The following NAGLU variants were observed in gnomAD, a reference collection of about 807,000 sequenced individuals.
NAGLU encodes the protein alpha-N-acetylglucosaminidase.
In NAGLU, 34 loss-of-function variants were observed where a neutral mutation model predicts 43.4. That is an observed-to-expected ratio of 0.78 (90% CI 0.60 to 1.04). The LOEUF is 1.04. Among genes scored for constraint, NAGLU ranks in the 50% least tolerant of loss-of-function variants. NAGLU has a pLI of 0.00. For synonymous variants in NAGLU, 425 were observed against 437.6 expected, an observed-to-expected ratio of 0.97 and a Z score of 0.36; for missense variants, 910 against 993.7, an observed-to-expected ratio of 0.92 and a Z score of 1.13.
Position 42,543,522 on chromosome 17 carries a change from G to T in NAGLU, c.1516G>T (p.Gly506Trp), listed in dbSNP as rs1262778017. 2 of 1,606,476 alleles carry T rather than the reference G, an allele frequency of 1.2e-6. No individual in the cohort carries two copies. The highest frequency in any genetic ancestry group is 1.7e-5 in the Admixed American group (1 of 59,448). Residue 506 changes from glycine (G) to tryptophan (W), a missense_variant, in exon 6 of 6, where the codon GGG becomes TGG. Physicochemically the swap from Gly to Trp is radical, Grantham distance 184. Transcript: ENST00000225927. ...LLLRSVYNCS[G>W]EACRGHNRSP... ...GCTCCGGAGTGTGTACAACTGCTCC[G>T]GGGAGGCCTGCAGGGGCCACAATCG...
chr17:42,540,761 T>G (rs903868532), intron 4 of NAGLU, among the ~76,000 whole-genome samples, 189 bp from the exon 5 acceptor site: 2 of 144,098 alleles, frequency 1.4e-5, no homozygotes, highest in Non-Finnish European at 3.0e-5. Context: ...AGGGGAGAGA[T>G]AGTGAAAGTT....
chr17:42,536,901 G>T, intron 1 of NAGLU: 1 of 788,136 alleles, frequency 1.3e-6, no homozygotes, highest in Non-Finnish European at 1.9e-6. Flanking sequence ...GATGGGCATA[G>T]AATTTGTGGT....
chr17:42,539,714 T>C (rs973403438), intron 4 of NAGLU, among the ~76,000 whole-genome samples: 8 of 152,188 alleles, frequency 5.3e-5, no homozygotes, highest in Non-Finnish European at 1.2e-4. Flanking sequence ...ATATGTTGGC[T>C]GAAGGATACA....
At chr17:42,540,359 A>C (rs2143094985) in intron 4 of NAGLU, among the ~76,000 whole-genome samples, 1 of 151,610 alleles carries the variant, frequency 6.6e-6, no homozygotes, top group East Asian at 1.9e-4. Flanking sequence ...CTATGCAACA[A>C]ACCTGCATGT....
At chr17:42,542,946 C>CGACT in intron 5 of NAGLU, 82 bp from the exon 6 acceptor site, 2 of 1,581,798 alleles carry the variant, frequency 1.3e-6, no homozygotes, top group South Asian at 2.2e-5. Context: ...GATAGACAGT[C>CGACT]GTCTGTAGAG....
Position 42,543,669 on chromosome 17 carries a change from G to C in NAGLU, c.1663G>C (p.Ala555Pro). The C allele has an allele frequency of 6.2e-7, 1 of 1,613,006 alleles. No individual in the cohort carries two copies. Among genetic ancestry groups the C allele is most frequent in the Non-Finnish European group, 8.5e-7 (1 of 1,180,006 alleles). The change falls in exon 6 of 6, where the codon GCC becomes CCC. Residue 555 changes from alanine to proline, a missense_variant. Ala to Pro is a conservative substitution (Grantham distance 27). Coordinates refer to ENST00000225927, the MANE Select transcript of NAGLU (RefSeq NM_000263.4). Reference sequence around the variant, plus strand: ...TGCTCCCTCCCTGGCCACCAGCCCCGCCTTCCGCTACGACCTGCTGGACCT... The same window carrying C: ...TGCTCCCTCCCTGGCCACCAGCCCCCCCTTCCGCTACGACCTGCTGGACCT... ...TSAPSLATSP[A>P]FRYDLLDLTR...
intron 4 of NAGLU, among the ~76,000 whole-genome samples, chr17:42,540,703 A>G (rs2092919245): frequency 6.6e-6 from 1 of 151,754 alleles, no homozygotes; most frequent in African/African-American, 2.4e-5. Flanking sequence ...CTCAAAAAAA[A>G]AAAAAAAAAG....
chr17:42,541,985 T>G (rs2092922746), intron 5 of NAGLU, among the ~76,000 whole-genome samples: 1 of 151,872 alleles, frequency 6.6e-6, no homozygotes, highest in African/African-American at 2.4e-5. Context: ...ACTGCAACCT[T>G]CGTCTCCTAG....
chr17:42,538,491 AG>A lies in NAGLU; in HGVS notation c.678+8del. 1 of 1,613,948 alleles carries A rather than the reference AG, an allele frequency of 6.2e-7. No individual in the cohort carries two copies. Among genetic ancestry groups the A allele is most frequent in the Non-Finnish European group, 8.5e-7 (1 of 1,179,986 alleles). The stretch of plus-strand genomic sequence containing the variant: ...TCAAGCAGCTTTACCTGCAGGTAAA[AG>A]GATGGAAAAGGGAAGGGGCAGAATC... On this transcript the variant is annotated splice_region_variant and intron_variant, in intron 3 of 5. Coordinates refer to ENST00000225927, the MANE Select transcript of NAGLU (RefSeq NM_000263.4).
At chr17:42,540,923 A>T (rs1488900286) in intron 4 of NAGLU, 27 bp from the exon 5 acceptor site, 22 of 1,614,034 alleles carry the variant, frequency 1.4e-5, no homozygotes, top group African/African-American at 2.7e-5. Context: ...GCTTCCATGA[A>T]ATATCTGAGC....
Position 42,536,587 on chromosome 17 carries a change from C to G in NAGLU, c.315C>G (p.Gly105=), listed in dbSNP as rs2143077290. The change falls in exon 1 of 6, where the codon GGC becomes GGG. Residue 105 remains glycine (G), a synonymous_variant. Transcript: ENST00000225927. The part of the protein sequence containing the change: ...DFCGCHVAWS[G]SQLRLPRPLP... ...GTGGCTGCCACGTGGCCTGGTCCGG[C>G]TCTCAGCTGCGCCTGCCGCGGCCAC... 1.3e-6 allele frequency: 2 copies of G among 1,492,884 alleles called. No individual in the cohort carries two copies. Among genetic ancestry groups the G allele is most frequent in the Middle Eastern group, 3.9e-4 (2 of 5,100 alleles). The allele number at this position is 1,492,884 out of a possible 1,614,324, so 92.5% of individuals were successfully genotyped here. A position where few individuals can be genotyped will look rare whatever the true frequency, so the allele number is the denominator to read the frequency against.
chr17:42,544,441 C>T lies in NAGLU; in HGVS notation c.*203C>T. 2 of 750,554 alleles carry T rather than the reference C, an allele frequency of 2.7e-6. No individual in the cohort carries two copies. The highest frequency in any genetic ancestry group is 1.8e-5 in the South Asian group (1 of 56,088). 46.5% of individuals were successfully genotyped at this position (750,554 alleles called of 1,614,324 possible). A position where few individuals can be genotyped will look rare whatever the true frequency, so the allele number is the denominator to read the frequency against. Reference sequence around the variant, plus strand: ...GTGGGATTAAAGTACTGTTTTCTTTCCACTTAAACTGATGAGTCCCCTGGG... The same window carrying T: ...GTGGGATTAAAGTACTGTTTTCTTTTCACTTAAACTGATGAGTCCCCTGGG... On this transcript the variant is annotated 3_prime_UTR_variant, in exon 6 of 6. Transcript: ENST00000225927.
chr17:42,538,204 T>A, intron 2 of NAGLU, 135 bp from the exon 3 acceptor site: 2 of 1,384,724 alleles, frequency 1.4e-6, no homozygotes, highest in South Asian at 2.3e-5. Context: ...TGTGGGCTCC[T>A]TGATGGCAGC....
In NAGLU at chr17:42,544,132, T is replaced by C. The variant is rs1271022807; in HGVS notation, c.2126T>C (p.Val709Ala). Residue 709 changes from valine (V) to alanine (A), a missense_variant, in exon 6 of 6, where the codon GTT becomes GCT. Coordinates refer to ENST00000225927, the MANE Select transcript of NAGLU (RefSeq NM_000263.4). Reference protein sequence around the residue: ...KNVFQLEQAFVLSKQRYPSQP... With the variant: ...KNVFQLEQAFALSKQRYPSQP... ...GTCTTCCAACTGGAGCAGGCCTTCG[T>C]TCTCAGCAAGCAGAGGTACCCCAGC... is the stretch of plus-strand genomic sequence containing the variant. The C allele has an allele frequency of 6.2e-7, 1 of 1,613,964 alleles. No individual in the cohort carries two copies. The highest frequency in any genetic ancestry group is 8.5e-7 in the Non-Finnish European group (1 of 1,180,036).
rs2092925104 is a variant in NAGLU, at chr17:42,542,931, C to G, written c.1022-97C>G. On this transcript the variant is annotated intron_variant, in intron 5 of 5. Coordinates refer to ENST00000225927, the MANE Select transcript of NAGLU (RefSeq NM_000263.4). ...TGGTGGGGGTCATGGGAAGCCATGA[C>G]CTGGGATAGACAGTCGTCTGTAGAG... is the stretch of plus-strand genomic sequence containing the variant. 8.3e-6 allele frequency: 13 copies of G among 1,565,956 alleles called. No individual in the cohort carries two copies. In the South Asian group the frequency reaches 1.4e-4, roughly 17 times the overall value.
chr17:42,536,449 G>C lies in NAGLU; in HGVS notation c.177G>C (p.Lys59Asn). 5 of 1,259,330 alleles carry C rather than the reference G, an allele frequency of 4.0e-6. No homozygotes were observed. Among genetic ancestry groups the C allele is most frequent in the Non-Finnish European group, 4.0e-6 (4 of 993,246 alleles). The allele number at this position is 1,259,330 out of a possible 1,614,324, so 78.0% of individuals were successfully genotyped here. ...CGGTGGAGCGCGCTCTGGCTGCCAA[G>C]CCGGGCTTGGACACCTACAGCCTGG... Reference protein sequence around the residue: ...SVSVERALAAKPGLDTYSLGG... With the variant: ...SVSVERALAANPGLDTYSLGG... The change falls in exon 1 of 6, where the codon AAG becomes AAC. Residue 59 changes from lysine (K) to asparagine (N), a missense_variant. Physicochemically the swap from Lys to Asn is moderately conservative, Grantham distance 94 (BLOSUM62 0). Transcript: ENST00000225927.
intron 5 of NAGLU, among the ~76,000 whole-genome samples, chr17:42,542,058 G>A (rs903270696): frequency 1.0e-4 from 15 of 150,370 alleles, no homozygotes; most frequent in Admixed American, 6.0e-4. Flanking sequence ...CCGCCACCAC[G>A]CCCGGCAATT....
intron 1 of NAGLU, chr17:42,537,181 C>A: frequency 1.6e-6 from 1 of 624,956 alleles, no homozygotes; most frequent in Non-Finnish European, 2.8e-6. Flanking sequence ...AAATACCCGC[C>A]AGGCTAGAGG....
intron 2 of NAGLU, 67 bp from the exon 3 acceptor site, chr17:42,538,272 G>A (rs1377895190): frequency 8.7e-6 from 14 of 1,608,600 alleles, no homozygotes; most frequent in Non-Finnish European, 1.2e-5. Context: ...TGAGTGAATG[G>A]TTGTTGAATG....
Sources: gnomAD v4.1 joint callset for allele counts (sites outside exome capture counted in the v4.1 genomes callset) on GRCh38, gnomAD v4.1.1 for gene constraint, MANE v1.5 for transcripts, NCBI Gene and HGNC (gene_info 2026-07-23, HGNC 2026-07-21) for gene names.